R3HCC1L: variants seen among roughly 807,000 people sequenced by gnomAD.
R3HCC1L encodes the protein R3H domain and coiled-coil containing 1 like.
R3HCC1L carries 51 observed loss-of-function variants against 59.9 expected under a neutral mutation model. That is an observed-to-expected ratio of 0.85 (90% CI 0.68 to 1.07). The LOEUF is 1.07. R3HCC1L is among the 50% of genes least tolerant of loss of function. R3HCC1L has a pLI of 0.00. For synonymous variants in R3HCC1L, 322 were observed against 315.2 expected, an observed-to-expected ratio of 1.02 and a Z score of -0.23; for missense variants, 965 against 933.0, an observed-to-expected ratio of 1.03 and a Z score of -0.45.
intron 1 of R3HCC1L, among the ~76,000 whole-genome samples, chr10:98,153,038 G>A (rs1403990451): frequency 1.6e-4 from 22 of 140,508 alleles, no homozygotes; most frequent in Non-Finnish European, 3.1e-4. Flanking sequence ...GGAGGTGGGG[G>A]GCGCCTCTGC....
At position 98,204,265 on chromosome 10, in the gene R3HCC1L, A is replaced by G. The variant is rs371793146; in HGVS notation, c.-14-3836A>G. ...GTCTACTTAAAACACAAAATTAGCC[A>G]GGCGTGGTGGGCACCTGTAATCCCA... On this transcript the variant is annotated intron_variant, in intron 4 of 9. Coordinates refer to ENST00000298999, the MANE Select transcript of R3HCC1L (RefSeq NM_001351015.2). 3.3e-5 allele frequency among the ~76,000 whole-genome samples: 5 copies of G among 152,224 alleles called. No individual in the cohort carries two copies. In the South Asian group the frequency reaches 1.0e-3, roughly 32 times the overall value.
Position 98,178,642 on chromosome 10 carries a change from A to C in R3HCC1L, c.-15+15245A>C, listed in dbSNP as rs190181855. On this transcript the variant is annotated intron_variant, in intron 4 of 9. Coordinates refer to ENST00000298999, the MANE Select transcript of R3HCC1L (RefSeq NM_001351015.2). ...TTGATGGGGATGGCATTGAATCTAT[A>C]AATTACCTTGGGCAGTATGGCCATT... Among the ~76,000 whole-genome samples, 434 of 152,300 alleles carry C rather than the reference A, an allele frequency of 2.8e-3. 2 individuals carry two copies. The highest frequency in any genetic ancestry group is 0.011 in the South Asian group (51 of 4,828).
chr10:98,142,805 T>A (rs181013177), intron 1 of R3HCC1L, among the ~76,000 whole-genome samples: 7 of 152,090 alleles, frequency 4.6e-5, no homozygotes, highest in Admixed American at 3.9e-4. Context: ...TCTGGCGACA[T>A]GTGCCTGTAG....
At chr10:98,215,413 TATC>T (rs1250744886) in intron 5 of R3HCC1L, among the ~76,000 whole-genome samples, 1 of 151,468 alleles carries the variant, frequency 6.6e-6, no homozygotes, top group Non-Finnish European at 1.5e-5. Context: ...AATTTTTTTT[TATC>T]ATATTTCATC....
chr10:98,188,671 T>A (rs1387755919), intron 4 of R3HCC1L, among the ~76,000 whole-genome samples: 1 of 152,200 alleles, frequency 6.6e-6, no homozygotes, highest in Admixed American at 6.5e-5. Flanking sequence ...CTCCTAACAT[T>A]AAGTAATTGA....
intron 4 of R3HCC1L, among the ~76,000 whole-genome samples, chr10:98,170,845 T>C (rs989315260): frequency 3.3e-5 from 5 of 151,322 alleles, no homozygotes; most frequent in Non-Finnish European, 5.9e-5. Context: ...CTTTCACTTA[T>C]TATCTTTCTA....
chr10:98,147,855 TTTC>T (rs1476448593), intron 1 of R3HCC1L, among the ~76,000 whole-genome samples: 1 of 152,190 alleles, frequency 6.6e-6, no homozygotes, highest in Non-Finnish European at 1.5e-5. Context: ...TACCTCCAGT[TTTC>T]TTCTTTTTGC....
rs573994610 is a variant in R3HCC1L, at chr10:98,135,043, G to C, written c.-268+337G>C. Among the ~76,000 whole-genome samples, 15 of 152,326 alleles carry C rather than the reference G, an allele frequency of 9.8e-5. No homozygotes were observed. In the South Asian group the frequency reaches 3.1e-3, roughly 32 times the overall value. ...TCAACAGGTATTGAGCGGGGTCCCT[G>C]GTTACCCCCTCGGGGCTGCGGGGCC... On this transcript the variant is annotated intron_variant, in intron 1 of 9. Coordinates refer to ENST00000298999, the MANE Select transcript of R3HCC1L (RefSeq NM_001351015.2).
chr10:98,142,637 CA>C (rs529534628), intron 1 of R3HCC1L, among the ~76,000 whole-genome samples: 145 of 134,466 alleles, frequency 1.1e-3, no homozygotes, highest in Non-Finnish European at 1.0e-3. Flanking sequence ...GACTCTGTCT[CA>C]AAAAAAAAAA....
At chr10:98,235,991 C>T in intron 8 of R3HCC1L, 33 bp from the exon 9 acceptor site, 1 of 1,597,572 alleles carries the variant, frequency 6.3e-7, no homozygotes, top group Middle Eastern at 1.7e-4. Context: ...CTCTTCTTGA[C>T]TCCTTCCTAC....
Position 98,235,517 on chromosome 10 carries a change from G to T in R3HCC1L, c.2125G>T (p.Ala709Ser). Reference sequence around the variant, plus strand: ...AGCCAAGGCCAAAGCTAGAGCTTATGCTGGTGAGTCTATAATCTCTGGGTT... The same window carrying T: ...AGCCAAGGCCAAAGCTAGAGCTTATTCTGGTGAGTCTATAATCTCTGGGTT... ...RAAKAKARAYAEFLQPAKERP... is the reference protein window; with the variant it reads ...RAAKAKARAYSEFLQPAKERP... Residue 709 changes from alanine (A) to serine (S), a missense_variant, in exon 8 of 10, where the codon GCT becomes TCT. Physicochemically the swap from Ala to Ser is moderately conservative, Grantham distance 99 (BLOSUM62 1). Coordinates refer to ENST00000298999, the MANE Select transcript of R3HCC1L (RefSeq NM_001351015.2). 1 of 1,608,888 alleles carries T rather than the reference G, an allele frequency of 6.2e-7. No individual in the cohort carries two copies. Among genetic ancestry groups the T allele is most frequent in the Non-Finnish European group, 8.5e-7 (1 of 1,176,892 alleles).
At position 98,205,537 on chromosome 10, in the gene R3HCC1L, A is replaced by G. The variant is rs182288803; in HGVS notation, c.-14-2564A>G. 2.6e-5 allele frequency among the ~76,000 whole-genome samples: 4 copies of G among 152,350 alleles called. No homozygotes were observed. In the East Asian group the frequency reaches 5.8e-4, roughly 22 times the overall value. ...CTTCAGCTAAGAAGTCGCTCACATC[A>G]TTGACATCAGTGACATAAAGAAAAA... On this transcript the variant is annotated intron_variant, in intron 4 of 9. Coordinates refer to ENST00000298999, the MANE Select transcript of R3HCC1L (RefSeq NM_001351015.2).
At chr10:98,173,371 T>C (rs1447360659) in intron 4 of R3HCC1L, among the ~76,000 whole-genome samples, 2 of 152,168 alleles carry the variant, frequency 1.3e-5, no homozygotes, top group Non-Finnish European at 2.9e-5. Context: ...CTGATCACTT[T>C]AGACCTCAGC....
intron 4 of R3HCC1L, among the ~76,000 whole-genome samples, chr10:98,174,246 A>G (rs1034178462): frequency 6.6e-6 from 1 of 152,182 alleles, no homozygotes; most frequent in African/African-American, 2.4e-5. Context: ...TGTGTCGGGC[A>G]TTGTATTCAG....
rs1306528509 is a variant in R3HCC1L, at chr10:98,208,725, A to T, written c.611A>T (p.Glu204Val). The change falls in exon 5 of 10, where the codon GAA (glutamate) becomes GTA (valine). Residue 204 changes from glutamate to valine, a missense_variant. Glu to Val is a moderately radical substitution (Grantham distance 121). Transcript: ENST00000298999. Reference sequence around the variant, plus strand: ...GAAGCATTTGAAGACAAAGATTTGGAAGGCAGAATTGAAACTGATACCAAG... The same window carrying T: ...GAAGCATTTGAAGACAAAGATTTGGTAGGCAGAATTGAAACTGATACCAAG... Reference protein sequence around the residue: ...DGEAFEDKDLEGRIETDTKVL... With the variant: ...DGEAFEDKDLVGRIETDTKVL... 6 of 1,614,140 alleles carry T rather than the reference A, an allele frequency of 3.7e-6. No individual in the cohort carries two copies. Among genetic ancestry groups the T allele is most frequent in the South Asian group, 2.2e-5 (2 of 91,082 alleles).
intron 4 of R3HCC1L, among the ~76,000 whole-genome samples, chr10:98,206,061 TTATAGAGCAACTGATCTTTCAGG>T (rs1332390709): frequency 1.3e-5 from 2 of 152,184 alleles, no homozygotes; most frequent in Non-Finnish European, 2.9e-5. Context: ...CTTGTCTCTT[TTATAGAGCAACTGATCTTTCAGG>T]TATAAAGTTA....
chr10:98,158,674 T>C (rs1485630394), intron 2 of R3HCC1L, among the ~76,000 whole-genome samples: 2 of 152,228 alleles, frequency 1.3e-5, no homozygotes, highest in African/African-American at 4.8e-5. Flanking sequence ...TTAAGTAACC[T>C]ACAGACATTC....
intron 4 of R3HCC1L, among the ~76,000 whole-genome samples, chr10:98,172,824 C>T (rs557061293): frequency 6.6e-5 from 10 of 152,258 alleles, no homozygotes; most frequent in African/African-American, 2.4e-4. Context: ...AAGCTTACTT[C>T]CCATACAAAA....
chr10:98,214,722 A>G lies in R3HCC1L; in HGVS notation c.1785+4823A>G, dbSNP rs192998287. Reference sequence around the variant, plus strand: ...GTTCTTATTCCTATCTTCCAAGATGAGCCAGAATTTATAGTATAGTCCTTG... The same window carrying G: ...GTTCTTATTCCTATCTTCCAAGATGGGCCAGAATTTATAGTATAGTCCTTG... On this transcript the variant is annotated intron_variant, in intron 5 of 9. Transcript: ENST00000298999. Among the ~76,000 whole-genome samples, 432 of 152,346 alleles carry G rather than the reference A, an allele frequency of 2.8e-3. 2 individuals carry two copies. Among genetic ancestry groups the G allele is most frequent in the South Asian group, 0.01 (50 of 4,828 alleles).
Sources: gnomAD v4.1 joint callset for allele counts (sites outside exome capture counted in the v4.1 genomes callset) on GRCh38, gnomAD v4.1.1 for gene constraint, MANE v1.5 for transcripts, NCBI Gene and HGNC (gene_info 2026-07-23, HGNC 2026-07-21) for gene names.